The following TRAK1 variants were observed in gnomAD, a reference collection of about 807,000 sequenced individuals.
The protein encoded by TRAK1 is trafficking kinesin-binding protein 1.
Under a neutral mutation model 92.1 loss-of-function variants are expected in TRAK1, and 33 were observed. The observed-to-expected ratio is 0.36, with a 90% confidence interval of 0.27 to 0.48. TRAK1 has a LOEUF of 0.48. Among genes scored for constraint, TRAK1 ranks in the 20% least tolerant of loss-of-function variants. The pLI is 0.99. For synonymous variants in TRAK1, 521 were observed against 517.3 expected, an observed-to-expected ratio of 1.01 and a Z score of -0.10; for missense variants, 1,123 against 1,257.9, an observed-to-expected ratio of 0.89 and a Z score of 1.62.
chr3:42,069,243 C>G (rs994566719), intron 1 of TRAK1, among the ~76,000 whole-genome samples: 15 of 150,830 alleles, frequency 9.9e-5, no homozygotes, highest in South Asian at 6.3e-4. Flanking sequence ...ATTGCTTTAG[C>G]CCGGGAGGTC....
intron 1 of TRAK1, among the ~76,000 whole-genome samples, chr3:42,025,155 G>A (rs527895912): frequency 3.9e-5 from 6 of 152,202 alleles, no homozygotes; most frequent in South Asian, 2.1e-4. Flanking sequence ...TCCCTGCCCC[G>A]CTTTCTGCTG....
At chr3:42,172,285 A>G (rs1030808343) in intron 2 of TRAK1, among the ~76,000 whole-genome samples, 3 of 152,140 alleles carry the variant, frequency 2.0e-5, no homozygotes, top group Non-Finnish European at 4.4e-5. Flanking sequence ...TCTTGGGGGC[A>G]CCGCATCTTG....
intron 14 of TRAK1, among the ~76,000 whole-genome samples, chr3:42,213,418 T>G (rs1709314523): frequency 6.6e-6 from 1 of 152,160 alleles, no homozygotes; most frequent in Non-Finnish European, 1.5e-5. Context: ...AAATTGCCCT[T>G]AAAAAATTCC....
chr3:42,152,217 G>C (rs964002496), intron 2 of TRAK1, among the ~76,000 whole-genome samples: 4 of 152,184 alleles, frequency 2.6e-5, no homozygotes, highest in South Asian at 2.1e-4. Flanking sequence ...CCCGCCCCCA[G>C]AGGAGGATAT....
chr3:42,218,507 A>AT, intron 14 of TRAK1: 1 of 984,076 alleles, frequency 1.0e-6, no homozygotes, highest in Non-Finnish European at 1.2e-6. Context: ...TTCGGGCAGC[A>AT]TCTTTTTTTT....
chr3:42,074,064 A>C (rs1005092343), intron 1 of TRAK1, among the ~76,000 whole-genome samples: 3 of 152,218 alleles, frequency 2.0e-5, no homozygotes, highest in Non-Finnish European at 4.4e-5. Context: ...GTCAAGGATC[A>C]CATGGAATGT....
chr3:42,107,490 G>A (rs1218837732), intron 1 of TRAK1, among the ~76,000 whole-genome samples: 1 of 149,032 alleles, frequency 6.7e-6, no homozygotes, highest in African/African-American at 2.5e-5. Context: ...CCAGCCTGGT[G>A]ACAGAGCAAG....
chr3:42,048,785 A>G (rs1283204529), intron 1 of TRAK1, among the ~76,000 whole-genome samples: 1 of 152,054 alleles, frequency 6.6e-6, no homozygotes, highest in Non-Finnish European at 1.5e-5. Context: ...GCTGGTCTTG[A>G]GCTCATGAGC....
At chr3:42,166,207 A>G (rs1355029854) in intron 2 of TRAK1, among the ~76,000 whole-genome samples, 1 of 152,130 alleles carries the variant, frequency 6.6e-6, no homozygotes, top group Non-Finnish European at 1.5e-5. Flanking sequence ...AGGCCCTTCC[A>G]TAATAGCTCT....
Position 42,223,968 on chromosome 3 carries a change from C to T in TRAK1, c.*231C>T. ...CGCCCTGCTCTTTCTTCCGATCCCA[C>T]AGGAAGTGCCCCTGCACTGTCATCA... On this transcript the variant is annotated 3_prime_UTR_variant, in exon 16 of 16. Transcript: ENST00000327628. This position sits in a 1 kb window ranked among gnomAD's most constrained non-coding sequence, Gnocchi z 6.1. The T allele has an allele frequency of 1.6e-6, 1 of 641,546 alleles. No homozygotes were observed. Among genetic ancestry groups the T allele is most frequent in the Non-Finnish European group, 2.8e-6 (1 of 356,072 alleles). 39.7% of individuals were successfully genotyped at this position (641,546 alleles called of 1,614,324 possible). A position where few individuals can be genotyped will look rare whatever the true frequency, so the allele number is the denominator to read the frequency against.
chr3:42,111,399 CT>C (rs137998949), intron 1 of TRAK1, among the ~76,000 whole-genome samples: 80,001 of 145,228 alleles, frequency 0.55, 21,726 homozygotes, highest in South Asian at 0.71. Flanking sequence ...TATGATAATC[CT>C]TTTTTTTTTT....
chr3:42,031,607 CAG>C (rs971119671), intron 1 of TRAK1, among the ~76,000 whole-genome samples: 8 of 146,094 alleles, frequency 5.5e-5, no homozygotes, highest in South Asian at 2.3e-4. Flanking sequence ...TACTCCAGCT[CAG>C]GGGACAGAGC....
At chr3:42,167,238 G>T (rs910608091) in intron 2 of TRAK1, among the ~76,000 whole-genome samples, 5 of 152,164 alleles carry the variant, frequency 3.3e-5, no homozygotes, top group African/African-American at 1.2e-4. Flanking sequence ...CTGGGGTGTC[G>T]ATTAGAAATG....
At chr3:42,169,829 G>T (rs1319661225) in intron 2 of TRAK1, among the ~76,000 whole-genome samples, 1 of 152,178 alleles carries the variant, frequency 6.6e-6, no homozygotes, top group Non-Finnish European at 1.5e-5. Flanking sequence ...TGGTCTAGGT[G>T]TCTGGGCAGA....
At chr3:42,203,581 T>A (rs761168950) in intron 13 of TRAK1, 9 of 984,930 alleles carry the variant, frequency 9.1e-6, no homozygotes, top group Non-Finnish European at 1.1e-5. Context: ...CACCAAGTGC[T>A]TATATTTTTC....
Position 42,184,588 on chromosome 3 carries a change from A to C in TRAK1, c.364-97A>C. ...AATTATTAATTCCTTTGTTATTTCTAGATGCTTATGTTTTCCTCATTTGAC... is the reference window on the plus strand; with the variant it reads ...AATTATTAATTCCTTTGTTATTTCTCGATGCTTATGTTTTCCTCATTTGAC... On this transcript the variant is annotated intron_variant, in intron 3 of 15. Transcript: ENST00000327628. 2.6e-6 allele frequency: 3 copies of C among 1,153,968 alleles called. No individual in the cohort carries two copies. The Admixed American group carries it at 6.4e-5, about 25-fold the overall frequency. 71.5% of individuals were successfully genotyped at this position (1,153,968 alleles called of 1,614,324 possible).
chr3:42,203,638 G>A, intron 13 of TRAK1: 2 of 984,816 alleles, frequency 2.0e-6, no homozygotes. Context: ...TTGAGAAGGT[G>A]TTTTAAAACT....
At chr3:42,025,581 A>G (rs1042984119) in intron 1 of TRAK1, among the ~76,000 whole-genome samples, 2 of 152,102 alleles carry the variant, frequency 1.3e-5, no homozygotes, top group African/African-American at 4.8e-5. Flanking sequence ...GTGTCTGTTC[A>G]AAGGACTGCT....
chr3:42,082,379 A>AGGAG (rs1704478273), upstream of TRAK1, among the ~76,000 whole-genome samples: 1 of 152,148 alleles, frequency 6.6e-6, no homozygotes, highest in Admixed American at 6.6e-5. Context: ...TGGGTGGATC[A>AGGAG]CTTGAGGCCA....
Sources: allele counts gnomAD v4.1 joint callset (sites outside exome capture counted in the v4.1 genomes callset), GRCh38; gene constraint gnomAD v4.1.1; non-coding constraint Gnocchi (gnomAD v3.1); transcripts MANE v1.5; gene names NCBI Gene and HGNC (gene_info 2026-07-23, HGNC 2026-07-21).